The following RAB8B variants were observed in gnomAD, a reference collection of about 807,000 sequenced individuals.
RAB8B encodes ras-related protein Rab-8B.
Under a neutral mutation model 32.0 loss-of-function variants are expected in RAB8B, and 11 were observed. That is an observed-to-expected ratio of 0.34 (90% CI 0.22 to 0.57). RAB8B has a LOEUF of 0.57. Among genes scored for constraint, RAB8B ranks in the 20% least tolerant of loss-of-function variants. RAB8B has a pLI of 0.86. For synonymous variants in RAB8B, 103 were observed against 89.6 expected (o/e 1.15, Z -0.85); for missense variants, 190 against 258.5 (o/e 0.73, Z 1.82).
chr15:63,204,538 A>G (rs1367705833), intron 1 of RAB8B, among the ~76,000 whole-genome samples: 1 of 152,238 alleles, frequency 6.6e-6, no homozygotes, highest in Non-Finnish European at 1.5e-5. Flanking sequence ...CTGAATTTTA[A>G]GTACAGTGAG....
intron 2 of RAB8B, among the ~76,000 whole-genome samples, chr15:63,247,585 A>G (rs1356129256): frequency 6.6e-6 from 1 of 152,198 alleles, no homozygotes; most frequent in Non-Finnish European, 1.5e-5. Flanking sequence ...AGCTTTTGGA[A>G]GGTTGTTGGT....
At position 63,264,255 on chromosome 15, in the gene RAB8B, A is replaced by G. The variant is rs1295044380; in HGVS notation, c.*636A>G. On this transcript the variant is annotated 3_prime_UTR_variant, in exon 8 of 8. Coordinates refer to ENST00000321437, the MANE Select transcript of RAB8B (RefSeq NM_016530.3). ...CCGACCTGTTTTCCAGAGTCTGGGT[A>G]GCTGAATGAATCACTTTAAAATGAT... 3 of 152,328 alleles carry G rather than the reference A, an allele frequency of 2.0e-5. No individual in the cohort carries two copies. The East Asian group carries it at 5.8e-4, about 29-fold the overall frequency. The allele number at this position is 152,328 out of a possible 1,614,324, so 9.4% of individuals were successfully genotyped here.
At chr15:63,247,728 C>G (rs1382430414) in intron 2 of RAB8B, among the ~76,000 whole-genome samples, 2 of 152,102 alleles carry the variant, frequency 1.3e-5, no homozygotes, top group Non-Finnish European at 2.9e-5. Context: ...GGCTGTATTT[C>G]TTTTTTGAAC....
At chr15:63,197,213 A>G (rs2037607630) in intron 1 of RAB8B, among the ~76,000 whole-genome samples, 2 of 151,822 alleles carry the variant, frequency 1.3e-5, no homozygotes, top group African/African-American at 4.8e-5. Context: ...TCACTGGAAT[A>G]GCATATGTCT....
chr15:63,246,848 C>T (rs1413042814), intron 2 of RAB8B, among the ~76,000 whole-genome samples: 2 of 152,164 alleles, frequency 1.3e-5, no homozygotes, highest in Admixed American at 6.5e-5. Context: ...GAACAGGAGC[C>T]CCAGCCACCA....
At chr15:63,235,853 T>G (rs2037974445) in intron 1 of RAB8B, among the ~76,000 whole-genome samples, 1 of 152,164 alleles carries the variant, frequency 6.6e-6, no homozygotes, top group African/African-American at 2.4e-5. Flanking sequence ...TGCTCGAGTA[T>G]TCCTACTCTA....
Position 63,262,686 on chromosome 15 carries a change from C to T in RAB8B, c.481-6C>T, listed in dbSNP as rs200532602. 9.2e-5 allele frequency: 125 copies of T among 1,362,916 alleles called. No individual in the cohort carries two copies. The African/African-American group carries it at 1.8e-3, about 19-fold the overall frequency. 84.4% of individuals were successfully genotyped at this position (1,362,916 alleles called of 1,614,324 possible). The stretch of plus-strand genomic sequence containing the variant: ...TAATAATGAAAATGTTTTGTTTTAC[C>T]TATAGGCATTTTTTACACTTGCACG... On this transcript the variant is annotated splice_region_variant and splice_polypyrimidine_tract_variant and intron_variant, in intron 6 of 7. Transcript: ENST00000321437.
chr15:63,208,948 A>G (rs968531017), intron 1 of RAB8B, among the ~76,000 whole-genome samples: 3 of 146,424 alleles, frequency 2.0e-5, no homozygotes, highest in African/African-American at 7.7e-5. Flanking sequence ...GCTGGATTGC[A>G]GTGATGGAAT....
chr15:63,203,999 C>CG (rs1031913495), intron 1 of RAB8B, among the ~76,000 whole-genome samples: 13 of 151,762 alleles, frequency 8.6e-5, no homozygotes, highest in African/African-American at 2.9e-4. Flanking sequence ...AGAGGGTTGT[C>CG]GGGGGGTGGT....
At chr15:63,211,898 C>T (rs918251255) in intron 1 of RAB8B, among the ~76,000 whole-genome samples, 1 of 152,140 alleles carries the variant, frequency 6.6e-6, no homozygotes, top group Non-Finnish European at 1.5e-5. Context: ...GTGGCGCAAT[C>T]ATGGCTCACT....
chr15:63,217,745 T>C (rs1178772205), intron 1 of RAB8B, among the ~76,000 whole-genome samples: 1 of 152,228 alleles, frequency 6.6e-6, no homozygotes, highest in East Asian at 1.9e-4. Context: ...CAATTTAAAG[T>C]AAAACGTGAT....
At chr15:63,254,058 G>T in intron 3 of RAB8B, among the ~76,000 whole-genome samples, 1 of 152,142 alleles carries the variant, frequency 6.6e-6, no homozygotes, top group Non-Finnish European at 1.5e-5. Context: ...TGTGCCCTCC[G>T]CCCATTAGAT....
At chr15:63,198,703 G>T (rs2037623335) in intron 1 of RAB8B, among the ~76,000 whole-genome samples, 1 of 152,114 alleles carries the variant, frequency 6.6e-6, no homozygotes, top group Admixed American at 6.5e-5. Flanking sequence ...ATAAATCATA[G>T]ATGTTATCCT....
intron 1 of RAB8B, among the ~76,000 whole-genome samples, chr15:63,233,018 A>G (rs939081575): frequency 6.6e-5 from 10 of 151,120 alleles, no homozygotes; most frequent in Non-Finnish European, 8.9e-5. Context: ...TGAAAGAACA[A>G]TGCCTTGACC....
chr15:63,189,683 G>A lies in RAB8B; in HGVS notation c.59G>A (p.Gly20Asp). ...KLLLIGDSGV[G>D]KTCLLFRFSE... ...CTGCTGATCGGCGACTCGGGGGTAGGCAAGACCTGCCTCCTGTTCCGCTTC... is the reference window on the plus strand; with the variant it reads ...CTGCTGATCGGCGACTCGGGGGTAGACAAGACCTGCCTCCTGTTCCGCTTC... Residue 20 changes from glycine (G) to aspartate (D), a missense_variant, in exon 1 of 8, where the codon GGC becomes GAC. Transcript: ENST00000321437. 6.2e-7 allele frequency: 1 copy of A among 1,613,894 alleles called. No homozygotes were observed. The highest frequency in any genetic ancestry group is 8.5e-7 in the Non-Finnish European group (1 of 1,179,882).
intron 1 of RAB8B, among the ~76,000 whole-genome samples, chr15:63,196,738 T>A (rs1378019224): frequency 6.6e-6 from 1 of 152,226 alleles, no homozygotes; most frequent in Non-Finnish European, 1.5e-5. Context: ...AGATAAAAAG[T>A]GTTTAATTTG....
intron 1 of RAB8B, among the ~76,000 whole-genome samples, chr15:63,204,531 A>G (rs1325270527): frequency 6.6e-6 from 1 of 152,216 alleles, no homozygotes; most frequent in Non-Finnish European, 1.5e-5. Flanking sequence ...TAGGGCCCTG[A>G]ATTTTAAGTA....
chr15:63,252,789 C>A (rs761177430), intron 3 of RAB8B, among the ~76,000 whole-genome samples: 1 of 148,474 alleles, frequency 6.7e-6, no homozygotes. Context: ...ACTCTTGTTG[C>A]CCAGGCTGGA....
At chr15:63,241,446 G>GT (rs1383364701) in intron 1 of RAB8B, among the ~76,000 whole-genome samples, 2 of 151,956 alleles carry the variant, frequency 1.3e-5, no homozygotes, top group Non-Finnish European at 2.9e-5. Context: ...GAAAGTCATT[G>GT]TTTTTTTTAT....
Sources: allele counts gnomAD v4.1 joint callset (sites outside exome capture counted in the v4.1 genomes callset), GRCh38; gene constraint gnomAD v4.1.1; transcripts MANE v1.5; gene names NCBI Gene and HGNC (gene_info 2026-07-23, HGNC 2026-07-21).